Variants in PCDHGA9 observed in about 807,000 individuals in gnomAD.
PCDHGA9 encodes the protein protocadherin gamma-A9.
PCDHGA9 carries 37 observed loss-of-function variants against 62.5 expected under a neutral mutation model. That is an observed-to-expected ratio of 0.59 (90% confidence interval 0.46 to 0.78). The LOEUF (loss-of-function observed/expected upper bound fraction) is 0.78. Ranked by LOEUF, PCDHGA9 falls within the 30% of genes least tolerant of loss-of-function variation. PCDHGA9 has a pLI of 0.00. For missense variants in PCDHGA9, 1,138 were observed against 1,166.2 expected (o/e 0.98, Z 0.35); for synonymous variants, 459 against 484.6 (o/e 0.95, Z 0.69).
At position 141,476,151 on chromosome 5, in the gene PCDHGA9, G is replaced by A; in HGVS notation, c.2425-18656G>A. Reference sequence around the variant, plus strand: ...GAGGCCTGGAGGAGCGGACTGGTAAGCACCGGGAGGGTAGTGGGAGTTTTG... The same window carrying A: ...GAGGCCTGGAGGAGCGGACTGGTAAACACCGGGAGGGTAGTGGGAGTTTTG... On this transcript the variant is annotated intron_variant, in intron 1 of 3. Transcript: ENST00000573521. This position sits in a 1 kb window ranked among gnomAD's most constrained non-coding sequence, Gnocchi z 7.6. 1 of 1,612,022 alleles carries A rather than the reference G, an allele frequency of 6.2e-7. No individual in the cohort carries two copies. Among genetic ancestry groups the A allele is most frequent in the Admixed American group, 1.7e-5 (1 of 60,014 alleles).
In PCDHGA9 at chr5:141,403,099, C is replaced by G; in HGVS notation, c.147C>G (p.Ser49=). ...AGGGCTATATTGTGGGCAACATCTC[C>G]AAGGACCTGGCTCTGGAGCCCCGGG... ...TEKGYIVGNI[S]KDLALEPREL... The change falls in exon 1 of 4, where the codon TCC becomes TCG. Residue 49 remains serine (S), a synonymous_variant. Coordinates refer to ENST00000573521, the MANE Select transcript of PCDHGA9 (RefSeq NM_018921.3). The G allele has an allele frequency of 3.1e-6, 5 of 1,614,056 alleles. No individual in the cohort carries two copies. The highest frequency in any genetic ancestry group is 4.2e-6 in the Non-Finnish European group (5 of 1,179,900).
In PCDHGA9 at chr5:141,402,866, T is replaced by A. The variant is rs1339290452; in HGVS notation, c.-87T>A. 4.2e-6 allele frequency: 6 copies of A among 1,442,196 alleles called. No individual in the cohort carries two copies. Among genetic ancestry groups the A allele is most frequent in the Non-Finnish European group, 5.5e-6 (6 of 1,094,772 alleles). 89.3% of individuals were successfully genotyped at this position (1,442,196 alleles called of 1,614,324 possible). A position where few individuals can be genotyped will look rare whatever the true frequency, so the allele number is the denominator to read the frequency against. The stretch of plus-strand genomic sequence containing the variant: ...CAGCCTCTTTCTTCTAAGGAAAAGA[T>A]CACCATACTTTGCAGGGTGGAAGAA... On this transcript the variant is annotated 5_prime_UTR_variant, in exon 1 of 4. Coordinates refer to ENST00000573521, the MANE Select transcript of PCDHGA9 (RefSeq NM_018921.3).
rs1486440819 is a variant in PCDHGA9, at chr5:141,402,921, T to C, written c.-32T>C. The C allele has an allele frequency of 6.3e-7, 1 of 1,575,122 alleles. No homozygotes were observed. On this transcript the variant is annotated 5_prime_UTR_variant, in exon 1 of 4. Coordinates refer to ENST00000573521, the MANE Select transcript of PCDHGA9 (RefSeq NM_018921.3). The stretch of plus-strand genomic sequence containing the variant: ...CCTGATGAAGCAGCGCGCACAGAGA[T>C]CCTTTTGAGAAAATTCCAAAGCGAG...
rs1487863444 is a variant in PCDHGA9 at position 141,491,016 on chromosome 5, G to A, written c.2425-3791G>A. On this transcript the variant is annotated intron_variant, in intron 1 of 3. Transcript: ENST00000573521. This position sits in a 1 kb window ranked among gnomAD's most constrained non-coding sequence, Gnocchi z 6.9. ...CTCCTGGCTCCTTGGTCACCAAGGTGACAGCCGTGGATGCTGATGCAGGCC... is the reference window on the plus strand; with the variant it reads ...CTCCTGGCTCCTTGGTCACCAAGGTAACAGCCGTGGATGCTGATGCAGGCC... 2.5e-6 allele frequency: 4 copies of A among 1,614,136 alleles called. No individual in the cohort carries two copies. The African/African-American group carries it at 5.3e-5, about 22-fold the overall frequency.
chr5:141,406,159 A>G (rs1237857279), intron 1 of PCDHGA9, among the ~76,000 whole-genome samples: 3 of 151,234 alleles, frequency 2.0e-5, no homozygotes, highest in Non-Finnish European at 2.9e-5. Context: ...TGCAGTCTCA[A>G]TCTCCTGGGC....
At chr5:141,423,357 C>G in intron 1 of PCDHGA9, 1 of 1,614,214 alleles carries the variant, frequency 6.2e-7, no homozygotes. Context: ...TCTTTGTCAT[C>G]GTGCTGCTGG....
rs1332743231 is a variant in PCDHGA9 at position 141,432,967 on chromosome 5, G to A, written c.2424+27591G>A. 4 of 1,614,192 alleles carry A rather than the reference G, an allele frequency of 2.5e-6. No homozygotes were observed. In the East Asian group the frequency reaches 6.7e-5, roughly 27 times the overall value. On this transcript the variant is annotated intron_variant, in intron 1 of 3. Coordinates refer to ENST00000573521, the MANE Select transcript of PCDHGA9 (RefSeq NM_018921.3). The surrounding 1 kb of genome is among the most constrained non-coding windows in gnomAD (Gnocchi z 6.0). The stretch of plus-strand genomic sequence containing the variant: ...CAGGAGGCGGCTTGACAGGAGCGCC[G>A]GCGTCGCACTTTGTGGGCGTGGACG...
At chr5:141,420,088 C>T in intron 1 of PCDHGA9, 5 of 1,614,002 alleles carry the variant, frequency 3.1e-6, no homozygotes, top group Non-Finnish European at 4.2e-6. Context: ...CCCCCAACTA[C>T]AGTGAGGGAA....
At chr5:141,439,496 G>A (rs1166315364) in intron 1 of PCDHGA9, among the ~76,000 whole-genome samples, 2 of 152,152 alleles carry the variant, frequency 1.3e-5, no homozygotes, top group Non-Finnish European at 2.9e-5. Context: ...AGTGAGAAAC[G>A]TCTTTCTCTC....
chr5:141,419,276 C>G (rs1361651445), intron 1 of PCDHGA9: 1 of 1,613,920 alleles, frequency 6.2e-7, no homozygotes, highest in African/African-American at 1.3e-5. Flanking sequence ...CTCCATAGCG[C>G]AAGTCAGTGC....
chr5:141,438,072 A>C (rs761630845), intron 1 of PCDHGA9, among the ~76,000 whole-genome samples: 1 of 152,158 alleles, frequency 6.6e-6, no homozygotes, highest in Non-Finnish European at 1.5e-5. Flanking sequence ...AACCATACTT[A>C]ATGGAAAATT....
chr5:141,415,896 AC>A, intron 1 of PCDHGA9: 1 of 882,726 alleles, frequency 1.1e-6, no homozygotes, highest in East Asian at 3.3e-5. Flanking sequence ...AATTCCTAAG[AC>A]AGACTTCCAT....
At chr5:141,459,735 T>A (rs114520602) in intron 1 of PCDHGA9, among the ~76,000 whole-genome samples, 1 of 152,374 alleles carries the variant, frequency 6.6e-6, no homozygotes, top group Non-Finnish European at 1.5e-5. Flanking sequence ...GTCAATTTTT[T>A]AAATTTTAGC....
At chr5:141,446,020 T>C (rs1226676321) in intron 1 of PCDHGA9, among the ~76,000 whole-genome samples, 1 of 152,180 alleles carries the variant, frequency 6.6e-6, no homozygotes, top group African/African-American at 2.4e-5. Context: ...ACTATGGCAA[T>C]ATTCCTGGTA....
intron 3 of PCDHGA9, among the ~76,000 whole-genome samples, chr5:141,506,190 C>T (rs1313145580): frequency 6.6e-6 from 1 of 152,180 alleles, no homozygotes; most frequent in Non-Finnish European, 1.5e-5. Flanking sequence ...GTGGCTCACG[C>T]CTGTAATCCC....
At chr5:141,406,173 T>C (rs1317526026) in intron 1 of PCDHGA9, among the ~76,000 whole-genome samples, 2 of 151,712 alleles carry the variant, frequency 1.3e-5, no homozygotes, top group African/African-American at 4.8e-5. Context: ...CCTGGGCTTA[T>C]GCAATCCTCC....
chr5:141,470,842 CA>C (rs1300821457), intron 1 of PCDHGA9, among the ~76,000 whole-genome samples: 2 of 152,044 alleles, frequency 1.3e-5, no homozygotes, highest in African/African-American at 4.8e-5. Flanking sequence ...CACACGCCAC[CA>C]TGCTCAGATA....
intron 1 of PCDHGA9, chr5:141,478,602 T>C (rs2099466537): frequency 6.4e-7 from 1 of 1,563,560 alleles, no homozygotes; most frequent in Admixed American, 1.9e-5. Context: ...TCCTACATCA[T>C]ATTGAGGAAG....
rs762574320 is a variant in PCDHGA9, at chr5:141,485,926, G to T, written c.2425-8881G>T. 2.5e-6 allele frequency: 4 copies of T among 1,614,090 alleles called. No individual in the cohort carries two copies. The highest frequency in any genetic ancestry group is 3.4e-6 in the Non-Finnish European group (4 of 1,180,052). On this transcript the variant is annotated intron_variant, in intron 1 of 3. Transcript: ENST00000573521. This position sits in a 1 kb window ranked among gnomAD's most constrained non-coding sequence, Gnocchi z 5.7. Reference sequence around the variant, plus strand: ...AGCAATCCAGCTACAGGATTAGTGTGTTGGAGAGCGCACCAGCGGGCATGG... The same window carrying T: ...AGCAATCCAGCTACAGGATTAGTGTTTTGGAGAGCGCACCAGCGGGCATGG...
Sources: gnomAD v4.1 joint callset for allele counts (sites outside exome capture counted in the v4.1 genomes callset) on GRCh38, gnomAD v4.1.1 for gene constraint, Gnocchi (gnomAD v3.1) non-coding constraint, MANE v1.5 for transcripts, NCBI Gene and HGNC (gene_info 2026-07-23, HGNC 2026-07-21) for gene names.